SKIL: variants seen among roughly 807,000 people sequenced by gnomAD.
SKIL encodes ski-like protein.
In SKIL, 20 loss-of-function variants were observed where a neutral mutation model predicts 69.6. The ratio of observed to expected loss-of-function variants is 0.29; its 90% CI spans 0.20 to 0.42. The LOEUF (loss-of-function observed/expected upper bound fraction) is 0.42, where lower values mean the gene tolerates loss of function less well. Ranked by LOEUF, SKIL falls within the 10% of genes least tolerant of loss-of-function variation. The probability of loss-of-function intolerance (pLI) is 1.00; values close to 1 mark genes in which losing one functional copy is unlikely to be tolerated. For synonymous variants in SKIL, 310 were observed against 279.9 expected (o/e 1.11, Z -1.08); for missense variants, 745 against 783.1 (o/e 0.95, Z 0.58).
At chr3:170,365,071 T>G (rs1288196803) in intron 2 of SKIL, among the ~76,000 whole-genome samples, 1 of 152,232 alleles carries the variant, frequency 6.6e-6, no homozygotes, top group Non-Finnish European at 1.5e-5. Flanking sequence ...CTTGAGTGGT[T>G]GTTTTATTAT....
intron 3 of SKIL, among the ~76,000 whole-genome samples, chr3:170,383,491 A>G (rs2108217275): frequency 6.6e-6 from 1 of 152,362 alleles, no homozygotes; most frequent in South Asian, 2.1e-4. Context: ...CAAATATGGT[A>G]CTTAAATATC....
chr3:170,385,363 A>G (rs889722492), intron 4 of SKIL, among the ~76,000 whole-genome samples: 4 of 146,020 alleles, frequency 2.7e-5, no homozygotes, highest in Admixed American at 1.4e-4. Flanking sequence ...AAGTGTTGGG[A>G]TTACAGTTGT....
At chr3:170,386,242 T>C (rs1398804055) in intron 4 of SKIL, among the ~76,000 whole-genome samples, 1 of 151,952 alleles carries the variant, frequency 6.6e-6, no homozygotes, top group Non-Finnish European at 1.5e-5. Flanking sequence ...GTGATTCTCC[T>C]GCCTCAGCCT....
At chr3:170,369,189 A>G (rs1425343648) in intron 2 of SKIL, among the ~76,000 whole-genome samples, 1 of 151,414 alleles carries the variant, frequency 6.6e-6, no homozygotes, top group African/African-American at 2.4e-5. Context: ...TAAAAAATAG[A>G]ATTGTTAGCA....
intron 2 of SKIL, among the ~76,000 whole-genome samples, chr3:170,365,901 G>A (rs573376146): frequency 4.4e-4 from 67 of 152,024 alleles, no homozygotes; most frequent in African/African-American, 1.5e-3. Flanking sequence ...AATTACAGGC[G>A]TCTGCCACCA....
chr3:170,378,855 T>G (rs1052888266), intron 2 of SKIL, among the ~76,000 whole-genome samples: 1 of 144,564 alleles, frequency 6.9e-6, no homozygotes, highest in Non-Finnish European at 1.5e-5. Context: ...CTTCTTTTAT[T>G]TATTTATTTA....
At chr3:170,373,477 C>G (rs1274783715) in intron 2 of SKIL, among the ~76,000 whole-genome samples, 3 of 152,144 alleles carry the variant, frequency 2.0e-5, no homozygotes, top group Admixed American at 6.6e-5. Context: ...TGTGCCTGGC[C>G]TTCCGGCTCA....
intron 1 of SKIL, 70 bp from the exon 2 acceptor site, chr3:170,359,629 A>G (rs1339361763): frequency 6.6e-6 from 1 of 151,986 alleles, no homozygotes; most frequent in South Asian, 2.1e-4. Context: ...AACTGGTTTC[A>G]AATTGGCCCT....
intron 2 of SKIL, among the ~76,000 whole-genome samples, chr3:170,364,055 A>G (rs909618303): frequency 2.0e-5 from 3 of 152,104 alleles, no homozygotes; most frequent in African/African-American, 4.8e-5. Context: ...GGTTCAAGCA[A>G]TTCTCCTGCC....
rs747884012 is a variant in SKIL, at chr3:170,360,901, G to A, written c.570G>A (p.Leu190=). Reference sequence around the variant, plus strand: ...AAATAAATACAGTGTGTGATGAACTGTACATATATTGTTCAAGGTGTACTT... The same window carrying A: ...AAATAAATACAGTGTGTGATGAACTATACATATATTGTTCAAGGTGTACTT... ...LQQINTVCDE[L]YIYCSRCTSD... The change falls in exon 2 of 7, where the codon CTG becomes CTA. Residue 190 remains leucine, a synonymous_variant. Transcript: ENST00000259119. The A allele has an allele frequency of 3.7e-6, 6 of 1,614,132 alleles. No homozygotes were observed. The South Asian group carries it at 6.6e-5, about 18-fold the overall frequency.
At chr3:170,359,193 C>G (rs1039493967) in intron 1 of SKIL, among the ~76,000 whole-genome samples, 1 of 152,236 alleles carries the variant, frequency 6.6e-6, no homozygotes, top group South Asian at 2.1e-4. Context: ...CTTTACGCAA[C>G]TCCAAATTGC....
At chr3:170,362,777 C>T (rs1057131507) in intron 2 of SKIL, among the ~76,000 whole-genome samples, 5 of 150,450 alleles carry the variant, frequency 3.3e-5, no homozygotes, top group Admixed American at 2.7e-4. Context: ...ATCACGCCAC[C>T]ACAGTCCATC....
Position 170,392,593 on chromosome 3 carries a change from C to A in SKIL, c.*176C>A. 2.5e-6 allele frequency: 1 copy of A among 401,530 alleles called. No homozygotes were observed. The highest frequency in any genetic ancestry group is 4.5e-6 in the Non-Finnish European group (1 of 223,088). 24.9% of individuals were successfully genotyped at this position (401,530 alleles called of 1,614,324 possible). On this transcript the variant is annotated 3_prime_UTR_variant, in exon 7 of 7. Coordinates refer to ENST00000259119, the MANE Select transcript of SKIL (RefSeq NM_005414.5). Reference sequence around the variant, plus strand: ...ATTAGTACTTAAATTTTTACATTTTCCAAATGAATGAAAATGTATGTTTCT... The same window carrying A: ...ATTAGTACTTAAATTTTTACATTTTACAAATGAATGAAAATGTATGTTTCT...
chr3:170,390,566 A>G lies in SKIL; in HGVS notation c.1671+102A>G, dbSNP rs1026927298. 5 of 855,154 alleles carry G rather than the reference A, an allele frequency of 5.8e-6. No individual in the cohort carries two copies. The African/African-American group carries it at 8.5e-5, about 15-fold the overall frequency. 53.0% of individuals were successfully genotyped at this position (855,154 alleles called of 1,614,324 possible). A position where few individuals can be genotyped will look rare whatever the true frequency, so the allele number is the denominator to read the frequency against. Reference sequence around the variant, plus strand: ...CAGTGGCGCAGTCTCAGCTCACTGAAACCTCCACCTCACAGGTTCAAGCAA... The same window carrying G: ...CAGTGGCGCAGTCTCAGCTCACTGAGACCTCCACCTCACAGGTTCAAGCAA... On this transcript the variant is annotated intron_variant, in intron 5 of 6. Coordinates refer to ENST00000259119, the MANE Select transcript of SKIL (RefSeq NM_005414.5).
intron 2 of SKIL, among the ~76,000 whole-genome samples, chr3:170,379,524 G>A (rs777107959): frequency 1.9e-4 from 29 of 151,922 alleles, no homozygotes; most frequent in Non-Finnish European, 3.7e-4. Flanking sequence ...AGGTAATTTC[G>A]TATAATAGGA....
chr3:170,389,138 G>A (rs1737787594), intron 4 of SKIL, among the ~76,000 whole-genome samples: 1 of 152,104 alleles, frequency 6.6e-6, no homozygotes, highest in Admixed American at 6.6e-5. Context: ...CTCCCAAAGT[G>A]CTGGGATTAT....
At chr3:170,390,512 T>G (rs1319067787) in intron 5 of SKIL, 48 bp downstream of exon 5, 1 of 1,496,088 alleles carries the variant, frequency 6.7e-7, no homozygotes. Context: ...GATACTTTTG[T>G]ATATTGCTCT....
intron 4 of SKIL, among the ~76,000 whole-genome samples, 156 bp from the exon 5 acceptor site, chr3:170,390,067 G>A (rs1560221764): frequency 6.6e-6 from 1 of 152,040 alleles, no homozygotes; most frequent in Non-Finnish European, 1.5e-5. Flanking sequence ...AGTTTTCATT[G>A]TACTTGCACT....
rs1367957152 is a variant in SKIL at position 170,360,561 on chromosome 3, C to T, written c.230C>T (p.Pro77Leu). Residue 77 changes from proline (P) to leucine (L), a missense_variant, in exon 2 of 7, where the codon CCT (proline) becomes CTT (leucine). Coordinates refer to ENST00000259119, the MANE Select transcript of SKIL (RefSeq NM_005414.5). ...EHVKRTCTSV[P>L]ETLHLNPSLK... ...GTTAAGCGAACCTGTACTTCTGTTC[C>T]TGAAACTTTGCATTTAAATCCCAGT... 1 of 1,614,206 alleles carries T rather than the reference C, an allele frequency of 6.2e-7. No individual in the cohort carries two copies. Among genetic ancestry groups the T allele is most frequent in the Admixed American group, 1.7e-5 (1 of 60,012 alleles).
Sources: gnomAD v4.1 joint callset for allele counts (sites outside exome capture counted in the v4.1 genomes callset) on GRCh38, gnomAD v4.1.1 for gene constraint, MANE v1.5 for transcripts, NCBI Gene and HGNC (gene_info 2026-07-23, HGNC 2026-07-21) for gene names.